The following ELMO1 variants were observed in gnomAD, a reference collection of about 807,000 sequenced individuals.
The protein encoded by ELMO1 is engulfment and cell motility 1.
A neutral mutation model predicts 98.9 loss-of-function variants in ELMO1; 26 were observed. The ratio of observed to expected loss-of-function variants is 0.26; its 90% CI spans 0.19 to 0.36. The LOEUF is 0.36. Among genes scored for constraint, ELMO1 ranks in the 10% least tolerant of loss-of-function variants. The pLI, the probability that ELMO1 is intolerant of heterozygous loss-of-function variation, is 1.00. For missense variants in ELMO1, 627 were observed against 935.2 expected (o/e 0.67, Z 4.30); for synonymous variants, 346 against 346.0 (o/e 1.00, Z 0.00).
At chr7:36,991,817 G>A (rs1244496053) in intron 16 of ELMO1, among the ~76,000 whole-genome samples, 2 of 152,130 alleles carry the variant, frequency 1.3e-5, no homozygotes, top group African/African-American at 4.8e-5. Context: ...TGCTTACCAT[G>A]GGCCTATGCT....
At chr7:36,908,674 C>G (rs1211149650) in intron 16 of ELMO1, among the ~76,000 whole-genome samples, 1 of 152,164 alleles carries the variant, frequency 6.6e-6, no homozygotes, top group Non-Finnish European at 1.5e-5. Context: ...CAGTTCTCAA[C>G]TTCTTATTTA....
At chr7:37,134,507 C>T (rs1033389273) in intron 13 of ELMO1, among the ~76,000 whole-genome samples, 15 of 147,592 alleles carry the variant, frequency 1.0e-4, no homozygotes, top group Non-Finnish European at 1.6e-4. Flanking sequence ...TGCAGTGAGT[C>T]GAGATCACGC....
chr7:37,187,522 TAAATA>T (rs1391870069), intron 13 of ELMO1, among the ~76,000 whole-genome samples: 1 of 152,174 alleles, frequency 6.6e-6, no homozygotes, highest in African/African-American at 2.4e-5. Flanking sequence ...TAAAAGTGAT[TAAATA>T]AAACTTCCCA....
At chr7:37,315,427 C>A (rs76711396) in intron 3 of ELMO1, among the ~76,000 whole-genome samples, 3,916 of 151,952 alleles carry the variant, frequency 0.026, 179 homozygotes, top group African/African-American at 0.09. Context: ...TAAAAAAAAA[C>A]AAAGTCATGC....
chr7:36,877,871 G>T, intron 19 of ELMO1, 139 bp downstream of exon 19: 1 of 627,726 alleles, frequency 1.6e-6, no homozygotes, highest in Non-Finnish European at 2.8e-6. Flanking sequence ...TTGATGAGAT[G>T]GCTCAGGCGA....
chr7:36,864,809 T>C (rs949231913), intron 20 of ELMO1, among the ~76,000 whole-genome samples: 9 of 152,238 alleles, frequency 5.9e-5, no homozygotes. Context: ...TTTATTCCTC[T>C]GGATTTAGTG....
chr7:37,361,816 C>CTT (rs1801710622), intron 1 of ELMO1, among the ~76,000 whole-genome samples: 1 of 151,428 alleles, frequency 6.6e-6, no homozygotes, highest in East Asian at 2.0e-4. Flanking sequence ...AAAAAATTAA[C>CTT]CAGGCGTGGT....
In ELMO1 at chr7:37,342,751, C is replaced by A; in HGVS notation, c.-61G>T. 6.9e-7 allele frequency: 1 copy of A among 1,440,726 alleles called. No individual in the cohort carries two copies. Among genetic ancestry groups the A allele is most frequent in the Non-Finnish European group, 9.6e-7 (1 of 1,046,306 alleles). The allele number at this position is 1,440,726 out of a possible 1,614,324, so 89.2% of individuals were successfully genotyped here. ...GAGGATCCTACAGCGTAAACGGCCA[C>A]ACGTGTCTATACCTAATGAGGAATG... On this transcript the variant is annotated 5_prime_UTR_variant, in exon 2 of 22. Transcript: ENST00000310758. The surrounding 1 kb of genome is among the most constrained non-coding windows in gnomAD (Gnocchi z 4.3).
intron 16 of ELMO1, among the ~76,000 whole-genome samples, chr7:36,896,030 G>C (rs953024477): frequency 2.0e-5 from 3 of 152,178 alleles, no homozygotes; most frequent in Admixed American, 2.0e-4. Context: ...ACTGGGACTG[G>C]ATATCAGGAT....
At chr7:36,863,309 C>G (rs1338154712) in intron 20 of ELMO1, among the ~76,000 whole-genome samples, 1 of 152,170 alleles carries the variant, frequency 6.6e-6, no homozygotes, top group Non-Finnish European at 1.5e-5. Flanking sequence ...GGCGCCGAAA[C>G]AAGCAAACAA....
rs142214281 is a variant in ELMO1 at position 37,400,335 on chromosome 7, G to A, written c.-74+48340C>T. Among the ~76,000 whole-genome samples, 471 of 152,196 alleles carry A rather than the reference G, an allele frequency of 3.1e-3. 3 individuals carry two copies. Among genetic ancestry groups the A allele is most frequent in the African/African-American group, 0.011 (449 of 41,518 alleles). On this transcript the variant is annotated intron_variant, in intron 1 of 21. Coordinates refer to ENST00000310758, the MANE Select transcript of ELMO1 (RefSeq NM_014800.11). ...CGGTACACTGTCCATAGATCACAAT[G>A]TGCTGTGTGGACCATGAAGCCACTG... is the stretch of plus-strand genomic sequence containing the variant.
At position 37,382,428 on chromosome 7, in the gene ELMO1, C is replaced by T. The variant is rs117704111; in HGVS notation, c.-73-39665G>A. The stretch of plus-strand genomic sequence containing the variant: ...GTTCAGAGTATGCCATTCAAAAATA[C>T]GCCACTTTGGCGTAAGAATTATTTT... On this transcript the variant is annotated intron_variant, in intron 1 of 21. Transcript: ENST00000310758. Among the ~76,000 whole-genome samples the T allele has an allele frequency of 5.4e-3, 824 of 152,232 alleles. 6 individuals are homozygous for T. Among genetic ancestry groups the T allele is most frequent in the Non-Finnish European group, 7.1e-3 (485 of 68,030 alleles).
At chr7:37,249,183 G>C (rs7793833) in intron 6 of ELMO1, among the ~76,000 whole-genome samples, 4,925 of 152,202 alleles carry the variant, frequency 0.032, 258 homozygotes, top group African/African-American at 0.11. Flanking sequence ...AACACCTCTG[G>C]TTCAGGCAAG....
intron 13 of ELMO1, among the ~76,000 whole-genome samples, chr7:37,171,158 A>T (rs1292833883): frequency 6.6e-6 from 1 of 152,118 alleles, no homozygotes; most frequent in African/African-American, 2.4e-5. Flanking sequence ...TGTTTATAAG[A>T]CTGTTAAATG....
intron 13 of ELMO1, among the ~76,000 whole-genome samples, chr7:37,203,344 C>T (rs73108931): frequency 1.2e-3 from 186 of 152,160 alleles, no homozygotes; most frequent in Middle Eastern, 3.4e-3. Context: ...AGTGGAGGGT[C>T]GTACCCTGAG....
chr7:37,006,966 T>G (rs1022863238), intron 16 of ELMO1, among the ~76,000 whole-genome samples: 16 of 151,704 alleles, frequency 1.1e-4, no homozygotes, highest in African/African-American at 3.9e-4. Context: ...TCTTGATTGC[T>G]GTCCAACAGA....
At chr7:36,857,271 C>T (rs1802271773) in intron 21 of ELMO1, among the ~76,000 whole-genome samples, 1 of 152,182 alleles carries the variant, frequency 6.6e-6, no homozygotes, top group Non-Finnish European at 1.5e-5. Flanking sequence ...ACATGTCTAA[C>T]CATCAATTTC....
intron 10 of ELMO1, among the ~76,000 whole-genome samples, chr7:37,218,235 C>G (rs1793407626): frequency 6.6e-6 from 1 of 152,054 alleles, no homozygotes; most frequent in Non-Finnish European, 1.5e-5. Context: ...CTATGTTTGT[C>G]TATCAGTCTA....
At chr7:37,205,146 TG>T (rs1192460588) in intron 13 of ELMO1, among the ~76,000 whole-genome samples, 1 of 152,222 alleles carries the variant, frequency 6.6e-6, no homozygotes, top group African/African-American at 2.4e-5. Flanking sequence ...CGGGACCCTC[TG>T]GGATTCTCCT....
Sources: gnomAD v4.1 joint callset for allele counts (sites outside exome capture counted in the v4.1 genomes callset) on GRCh38, gnomAD v4.1.1 for gene constraint, Gnocchi (gnomAD v3.1) non-coding constraint, MANE v1.5 for transcripts, NCBI Gene and HGNC (gene_info 2026-07-23, HGNC 2026-07-21) for gene names.